Variants in GSE1 observed in about 807,000 individuals in gnomAD.
GSE1 encodes Gse1 coiled-coil protein.
In GSE1, 32 loss-of-function variants were observed where a neutral mutation model predicts 112.6. The observed-to-expected ratio is 0.28, with a 90% CI of 0.21 to 0.38. The LOEUF is 0.38. Among genes scored for constraint, GSE1 ranks in the 10% least tolerant of loss-of-function variants. GSE1 has a pLI of 1.00. For missense variants in GSE1, 2,348 were observed against 1,699.2 expected (o/e 1.38, Z -6.71); for synonymous variants, 1,115 against 735.6 (o/e 1.52, Z -8.35).
chr16:85,565,527 T>G (rs1039104782), intron 1 of GSE1, among the ~76,000 whole-genome samples: 1 of 152,008 alleles, frequency 6.6e-6, no homozygotes, highest in Non-Finnish European at 1.5e-5. Context: ...CCTCGTGCAG[T>G]GCCCACACCG....
intron 2 of GSE1, among the ~76,000 whole-genome samples, chr16:85,647,205 C>A (rs944715229): frequency 2.0e-5 from 3 of 152,178 alleles, no homozygotes; most frequent in Admixed American, 6.5e-5. Flanking sequence ...GGGGTATCCT[C>A]TTGGCTGTAG....
intron 1 of GSE1, chr16:85,207,781 G>C (rs2075146169): frequency 6.6e-6 from 1 of 152,300 alleles, no homozygotes; most frequent in African/African-American, 2.4e-5. Flanking sequence ...GGTCGCCACT[G>C]ATTCACTCAC....
rs1274930229 is a variant in GSE1 at position 85,440,318 on chromosome 16, A to G, written c.2464+82675A>G. On this transcript the variant is annotated intron_variant, in intron 2 of 2. Transcript: ENST00000637419. ...CTGCAGGCACAACTTGCTCTAGCAA[A>G]TCACAAGCCTGGATTGAGGCCTCAG... Among the ~76,000 whole-genome samples, 4 of 152,344 alleles carry G rather than the reference A, an allele frequency of 2.6e-5. No homozygotes were observed. The South Asian group carries it at 8.3e-4, about 32-fold the overall frequency.
intron 1 of GSE1, among the ~76,000 whole-genome samples, chr16:85,350,663 C>T (rs977538746): frequency 4.6e-5 from 7 of 152,346 alleles, no homozygotes; most frequent in Non-Finnish European, 1.0e-4. Context: ...TGTTCCTGCT[C>T]TTAGTTCATG....
At chr16:85,556,788 C>A (rs1049442142) in intron 1 of GSE1, among the ~76,000 whole-genome samples, 1 of 149,478 alleles carries the variant, frequency 6.7e-6, no homozygotes, top group African/African-American at 2.5e-5. Flanking sequence ...TTTCCCTCTC[C>A]CTCCAGCCAA....
intron 2 of GSE1, among the ~76,000 whole-genome samples, chr16:85,501,919 C>T (rs992474297): frequency 3.3e-5 from 5 of 152,216 alleles, no homozygotes; most frequent in East Asian, 1.9e-4. Flanking sequence ...TTCCCTCAGG[C>T]CCTGGCAGAG....
intron 1 of GSE1, among the ~76,000 whole-genome samples, chr16:85,579,453 T>C (rs996207060): frequency 1.3e-5 from 2 of 152,184 alleles, no homozygotes; most frequent in African/African-American, 4.8e-5. Flanking sequence ...TATGTCTTAA[T>C]GTATGATAAT....
intron 2 of GSE1, among the ~76,000 whole-genome samples, chr16:85,534,797 G>C (rs1465712485): frequency 1.3e-5 from 2 of 152,206 alleles, no homozygotes; most frequent in African/African-American, 4.8e-5. Flanking sequence ...TCCCCTGTCT[G>C]TGACGTCCGT....
intron 2 of GSE1, among the ~76,000 whole-genome samples, chr16:85,513,984 G>A (rs2051833347): frequency 6.6e-6 from 1 of 152,064 alleles, no homozygotes; most frequent in Admixed American, 6.5e-5. Flanking sequence ...CTCCTGTTGA[G>A]ACCCCTCCAC....
intron 1 of GSE1, among the ~76,000 whole-genome samples, chr16:85,239,737 G>T (rs1037406693): frequency 1.3e-5 from 2 of 152,198 alleles, no homozygotes; most frequent in African/African-American, 4.8e-5. Flanking sequence ...GCCAGGGTTG[G>T]GGGTCCCACC....
At chr16:85,671,421 C>T (rs1185260094) in intron 15 of GSE1, among the ~76,000 whole-genome samples, 3 of 117,168 alleles carry the variant, frequency 2.6e-5, no homozygotes, top group African/African-American at 1.1e-4. Flanking sequence ...GCCTGGGCGA[C>T]AGAGCGAGAC....
intron 2 of GSE1, among the ~76,000 whole-genome samples, chr16:85,417,062 C>G (rs1157747747): frequency 6.6e-6 from 1 of 152,316 alleles, no homozygotes; most frequent in South Asian, 2.1e-4. Flanking sequence ...CACCATGTTG[C>G]CCAGGCTGGT....
Position 85,558,513 on chromosome 16 carries a change from G to C in GSE1, c.37+2150G>C, listed in dbSNP as rs143803271. 4.6e-3 allele frequency among the ~76,000 whole-genome samples: 702 copies of C among 152,358 alleles called. 6 individuals carry two copies. Among genetic ancestry groups the C allele is most frequent in the African/African-American group, 0.016 (666 of 41,576 alleles). On this transcript the variant is annotated intron_variant, in intron 1 of 2. Coordinates refer to the GSE1 transcript ENST00000635906. The stretch of plus-strand genomic sequence containing the variant: ...CAGAAAGAGGAGGAGGAAGTGTCAG[G>C]CTGGGAAATTCAAAGCCATTAAGGA...
intron 1 of GSE1, among the ~76,000 whole-genome samples, chr16:85,330,298 G>A (rs938207680): frequency 1.3e-5 from 2 of 152,218 alleles, no homozygotes; most frequent in African/African-American, 4.8e-5. Flanking sequence ...GCTGCGTGGT[G>A]ACAGACCGAG....
chr16:85,565,529 C>T (rs1348083945), intron 1 of GSE1, among the ~76,000 whole-genome samples: 3 of 152,208 alleles, frequency 2.0e-5, no homozygotes, highest in Admixed American at 6.5e-5. Context: ...TCGTGCAGTG[C>T]CCACACCGGC....
At chr16:85,574,525 G>C (rs561751421) in intron 1 of GSE1, among the ~76,000 whole-genome samples, 6 of 152,200 alleles carry the variant, frequency 3.9e-5, no homozygotes, top group Non-Finnish European at 8.8e-5. Context: ...ACGAGGCCCC[G>C]GGGTCAGAAA....
At chr16:85,456,217 G>A (rs546627466) in intron 2 of GSE1, among the ~76,000 whole-genome samples, 3 of 152,320 alleles carry the variant, frequency 2.0e-5, no homozygotes, top group East Asian at 3.9e-4. Flanking sequence ...TTGTCGTGGG[G>A]TGCAAAGGGG....
intron 1 of GSE1, among the ~76,000 whole-genome samples, chr16:85,201,666 C>T (rs2075031709): frequency 6.6e-6 from 1 of 151,612 alleles, no homozygotes; most frequent in Non-Finnish European, 1.5e-5. Context: ...AAAAAAACAA[C>T]AACAAAAAAA....
chr16:85,306,960 A>T (rs542807888), intron 1 of GSE1, among the ~76,000 whole-genome samples: 114 of 152,358 alleles, frequency 7.5e-4, no homozygotes, highest in African/African-American at 2.7e-3. Flanking sequence ...TGACACATCC[A>T]GCGCTGTGCC....
Sources: allele counts gnomAD v4.1 joint callset (sites outside exome capture counted in the v4.1 genomes callset), GRCh38; gene constraint gnomAD v4.1.1; transcripts MANE v1.5; gene names NCBI Gene and HGNC (gene_info 2026-07-23, HGNC 2026-07-21).